The following FER1L6 variants were observed in gnomAD, a reference collection of about 807,000 sequenced individuals.
The protein encoded by FER1L6 is fer-1 like family member 6, also known as fer-1-like protein 6.
In FER1L6, 177 loss-of-function variants were observed where a neutral mutation model predicts 219.2. The observed-to-expected ratio is 0.81, with a 90% CI of 0.71 to 0.91. FER1L6 has a LOEUF of 0.91. Among genes scored for constraint, FER1L6 ranks in the 40% least tolerant of loss-of-function variants. The pLI, the probability that FER1L6 is intolerant of heterozygous loss-of-function variation, is 0.00. For missense variants in FER1L6, 2,153 were observed against 2,259.9 expected (o/e 0.95, Z 0.96); for synonymous variants, 768 against 824.3 (o/e 0.93, Z 1.17).
chr8:124,011,429 C>T (rs946356424), intron 14 of FER1L6, among the ~76,000 whole-genome samples: 1 of 152,178 alleles, frequency 6.6e-6, no homozygotes, highest in Non-Finnish European at 1.5e-5. Context: ...AATCACAGCT[C>T]ACTGCAGCCT....
intron 20 of FER1L6, among the ~76,000 whole-genome samples, chr8:124,043,239 A>G (rs1355699599): frequency 1.3e-5 from 2 of 152,354 alleles, no homozygotes; most frequent in Admixed American, 6.5e-5. Context: ...GACAATGCTC[A>G]TAACTCCGCA....
intron 1 of FER1L6, among the ~76,000 whole-genome samples, chr8:123,910,208 C>T (rs16899029): frequency 0.26 from 39,972 of 151,964 alleles, 5,543 homozygotes; most frequent in East Asian, 0.44. Context: ...TAGGGTATGC[C>T]GTCATGTGAA....
intron 1 of FER1L6, among the ~76,000 whole-genome samples, chr8:123,935,844 T>TA (rs1182644423): frequency 1.3e-5 from 2 of 152,158 alleles, no homozygotes; most frequent in African/African-American, 4.8e-5. Flanking sequence ...ATTTTAATTT[T>TA]TGGTGCTGTC....
chr8:123,891,354 A>T (rs1812645789), intron 1 of FER1L6, among the ~76,000 whole-genome samples: 1 of 152,134 alleles, frequency 6.6e-6, no homozygotes, highest in African/African-American at 2.4e-5. Flanking sequence ...TTTGTCGTAT[A>T]ATATTTAAAC....
intron 1 of FER1L6, among the ~76,000 whole-genome samples, chr8:123,944,764 C>T (rs1431463447): frequency 6.6e-6 from 1 of 152,102 alleles, no homozygotes; most frequent in East Asian, 1.9e-4. Flanking sequence ...AAAATACTAC[C>T]AGCCTCCTTT....
chr8:123,962,612 G>T (rs1213349167), intron 2 of FER1L6, among the ~76,000 whole-genome samples: 1 of 151,978 alleles, frequency 6.6e-6, no homozygotes, highest in Non-Finnish European at 1.5e-5. Context: ...AAAACCTAGG[G>T]TTTTATTTCT....
At chr8:123,964,628 C>T (rs1815453403) in intron 3 of FER1L6, among the ~76,000 whole-genome samples, 1 of 152,134 alleles carries the variant, frequency 6.6e-6, no homozygotes, top group East Asian at 1.9e-4. Context: ...CAAGATATTT[C>T]TTCCTATTCA....
chr8:123,921,792 T>C (rs115775264), intron 1 of FER1L6, among the ~76,000 whole-genome samples: 5,955 of 151,168 alleles, frequency 0.039, 369 homozygotes, highest in African/African-American at 0.13. Context: ...TGTGGGGAGG[T>C]TGGATCTTAC....
At chr8:123,944,594 T>C (rs1315929122) in intron 1 of FER1L6, among the ~76,000 whole-genome samples, 3 of 152,136 alleles carry the variant, frequency 2.0e-5, no homozygotes, top group Non-Finnish European at 2.9e-5. Flanking sequence ...GTACACACAC[T>C]CTCAATCCTT....
chr8:123,921,170 G>A (rs1336691731), intron 1 of FER1L6, among the ~76,000 whole-genome samples: 3 of 152,124 alleles, frequency 2.0e-5, no homozygotes, highest in African/African-American at 4.8e-5. Context: ...ATCTCTTCAA[G>A]ATTCTGCTTT....
rs2130871775 is a variant in FER1L6, at chr8:124,071,520, C to A, written c.3981C>A (p.Ile1327=). Residue 1327 remains isoleucine (I), a synonymous_variant, in exon 31 of 41, where the codon ATC becomes ATA. Transcript: ENST00000522917. ...VIGKFKGSFC[I]YKSPQDSSSE... is the part of the protein sequence containing the mutation. ...TGTGGTTCCAGGGCTCCTTCTGCAT[C>A]TACAAAAGCCCCCAGGATTCTAGCT... 1 of 1,614,092 alleles carries A rather than the reference C, an allele frequency of 6.2e-7. No individual in the cohort carries two copies. Among genetic ancestry groups the A allele is most frequent in the Non-Finnish European group, 8.5e-7 (1 of 1,179,978 alleles).
intron 1 of FER1L6, among the ~76,000 whole-genome samples, chr8:123,918,245 G>T (rs934160597): frequency 6.6e-6 from 1 of 151,662 alleles, no homozygotes; most frequent in Non-Finnish European, 1.5e-5. Flanking sequence ...GGAGGTGGAG[G>T]TTGCAGGGAA....
At chr8:124,074,386 AGT>A (rs1821194178) in intron 31 of FER1L6, among the ~76,000 whole-genome samples, 1 of 152,114 alleles carries the variant, frequency 6.6e-6, no homozygotes, top group Admixed American at 6.6e-5. Flanking sequence ...GGCCAGGTGC[AGT>A]GGCTCATGCC....
At chr8:123,871,404 G>C (rs1409795447) in intron 1 of FER1L6, among the ~76,000 whole-genome samples, 1 of 152,102 alleles carries the variant, frequency 6.6e-6, no homozygotes, top group Non-Finnish European at 1.5e-5. Flanking sequence ...CAGAAACTAA[G>C]AGGAACCCAG....
rs565070828 is a variant in FER1L6 at position 123,889,774 on chromosome 8, G to A, written c.-8+37589G>A. 4.1e-4 allele frequency among the ~76,000 whole-genome samples: 62 copies of A among 152,200 alleles called. 2 individuals carry two copies. The highest frequency in any genetic ancestry group is 1.2e-3 in the South Asian group (6 of 4,824). ...GAAAGGAACCAGGAAGCAGAGGAGG[G>A]AGAGATGTAATGAAAGTTATAAATA... On this transcript the variant is annotated intron_variant, in intron 1 of 40. Coordinates refer to ENST00000522917, the MANE Select transcript of FER1L6 (RefSeq NM_001039112.2).
intron 29 of FER1L6, among the ~76,000 whole-genome samples, chr8:124,069,861 AG>A (rs1364358331): frequency 6.6e-6 from 1 of 152,208 alleles, no homozygotes; most frequent in African/African-American, 2.4e-5. Context: ...CATTAGTTAG[AG>A]GGTATTAGCT....
At chr8:123,969,912 G>T in intron 5 of FER1L6, 123 bp from the exon 6 acceptor site, 8 of 628,002 alleles carry the variant, frequency 1.3e-5, no homozygotes, top group Non-Finnish European at 2.0e-5. Flanking sequence ...ACAATCAATT[G>T]ATGATGTATA....
chr8:124,091,595 C>A lies in FER1L6; in HGVS notation c.4552+12C>A, dbSNP rs2130946072. The A allele has an allele frequency of 3.7e-6, 6 of 1,610,252 alleles. No homozygotes were observed. Among genetic ancestry groups the A allele is most frequent in the Middle Eastern group, 1.7e-4 (1 of 6,042 alleles). On this transcript the variant is annotated intron_variant, in intron 34 of 40. Coordinates refer to ENST00000522917, the MANE Select transcript of FER1L6 (RefSeq NM_001039112.2). The stretch of plus-strand genomic sequence containing the variant: ...TGAAGAGGACACTGGTAACTCCCTG[C>A]AAAATATCCTGCTGGTGTTGCTCTT...
chr8:123,863,767 T>A (rs1391319725), intron 1 of FER1L6, among the ~76,000 whole-genome samples: 1 of 148,732 alleles, frequency 6.7e-6, no homozygotes, highest in Non-Finnish European at 1.5e-5. Flanking sequence ...TCTTTGTTGG[T>A]TTAAAGTCTG....
Sources: allele counts gnomAD v4.1 joint callset (sites outside exome capture counted in the v4.1 genomes callset), GRCh38; gene constraint gnomAD v4.1.1; transcripts MANE v1.5; gene names NCBI Gene and HGNC (gene_info 2026-07-23, HGNC 2026-07-21).